The following ROBO1 variants were observed in gnomAD, a reference collection of about 807,000 sequenced individuals.
ROBO1 encodes the protein roundabout homolog 1.
ROBO1 carries 149 observed loss-of-function variants against 195.9 expected under a neutral mutation model. That is an observed-to-expected ratio of 0.76 (90% CI 0.67 to 0.87). The LOEUF is 0.87. ROBO1 is among the 40% of genes least tolerant of loss of function. ROBO1 has a pLI of 0.00. For synonymous variants in ROBO1, 816 were observed against 733.2 expected (o/e 1.11, Z -1.82); for missense variants, 1,933 against 2,068.3 (o/e 0.93, Z 1.27).
rs147406745 is a variant in ROBO1, at chr3:79,715,703, T to A, written c.-51+52049A>T. Among the ~76,000 whole-genome samples, 710 of 152,228 alleles carry A rather than the reference T, an allele frequency of 4.7e-3. 10 individuals carry two copies. The highest frequency in any genetic ancestry group is 0.015 in the African/African-American group (618 of 41,550). The stretch of plus-strand genomic sequence containing the variant: ...GCAGTGTTGAAATTTATTTTAATTA[T>A]ATAATTTATGCTATGTGCCGTGTAT... On this transcript the variant is annotated intron_variant, in intron 1 of 30. Coordinates refer to ENST00000464233, the MANE Select transcript of ROBO1 (RefSeq NM_002941.4).
chr3:78,715,697 C>T (rs900060075), intron 7 of ROBO1, among the ~76,000 whole-genome samples: 24 of 152,140 alleles, frequency 1.6e-4, no homozygotes, highest in African/African-American at 4.8e-4. Flanking sequence ...CCACCATGCC[C>T]GGCTAATTTT....
chr3:79,637,926 T>TA (rs1380013333), intron 1 of ROBO1, among the ~76,000 whole-genome samples: 4 of 152,186 alleles, frequency 2.6e-5, no homozygotes, highest in Non-Finnish European at 5.9e-5. Flanking sequence ...TTTAATTTTT[T>TA]TATATGGATG....
At chr3:78,709,075 C>G (rs1339398996) in intron 8 of ROBO1, among the ~76,000 whole-genome samples, 4 of 152,048 alleles carry the variant, frequency 2.6e-5, no homozygotes, top group African/African-American at 9.7e-5. Context: ...CAGACAAACA[C>G]TAAGTATAAA....
chr3:79,599,616 G>A (rs372840664), intron 1 of ROBO1, among the ~76,000 whole-genome samples: 4 of 151,766 alleles, frequency 2.6e-5, no homozygotes, highest in South Asian at 2.1e-4. Context: ...GGTAGGGGGC[G>A]GGAGAAAAAA....
At chr3:78,671,165 A>G (rs962324301) in intron 10 of ROBO1, among the ~76,000 whole-genome samples, 7 of 152,164 alleles carry the variant, frequency 4.6e-5, no homozygotes, top group Admixed American at 3.3e-4. Context: ...AAAATCTAAA[A>G]TCTAAAAACT....
chr3:79,590,741 T>A (rs1943972396), intron 1 of ROBO1, among the ~76,000 whole-genome samples: 1 of 151,740 alleles, frequency 6.6e-6, no homozygotes, highest in Admixed American at 6.6e-5. Context: ...TATAACCAAA[T>A]TTTCAAAGTA....
chr3:78,699,341 G>A lies in ROBO1; in HGVS notation c.1046-10569C>T, dbSNP rs182665387. Among the ~76,000 whole-genome samples, 324 of 147,230 alleles carry A rather than the reference G, an allele frequency of 2.2e-3. 1 individual carries two copies. The highest frequency in any genetic ancestry group is 0.021 in the South Asian group (100 of 4,706). Reference sequence around the variant, plus strand: ...AGGCAGGTGGATCACTTTGAGGTTAGGAGTTCAAAACCAGCCTGGTCAACA... The same window carrying A: ...AGGCAGGTGGATCACTTTGAGGTTAAGAGTTCAAAACCAGCCTGGTCAACA... On this transcript the variant is annotated intron_variant, in intron 8 of 30. Coordinates refer to ENST00000464233, the MANE Select transcript of ROBO1 (RefSeq NM_002941.4).
intron 2 of ROBO1, among the ~76,000 whole-genome samples, chr3:79,312,876 A>C (rs2033551706): frequency 6.6e-6 from 1 of 152,230 alleles, no homozygotes; most frequent in African/African-American, 2.4e-5. Flanking sequence ...ATTAAATATT[A>C]AAATAAATGT....
chr3:78,945,579 C>T (rs1354438487), intron 3 of ROBO1, among the ~76,000 whole-genome samples: 1 of 152,038 alleles, frequency 6.6e-6, no homozygotes, highest in East Asian at 1.9e-4. Context: ...AAAAACAGGG[C>T]AGAAAAACTG....
chr3:79,103,634 T>C (rs1355492819), intron 3 of ROBO1, among the ~76,000 whole-genome samples: 1 of 151,794 alleles, frequency 6.6e-6, no homozygotes, highest in Non-Finnish European at 1.5e-5. Flanking sequence ...TTTCTCCTAA[T>C]AGTGTGAAAT....
At chr3:79,030,924 G>A (rs534797962) in intron 3 of ROBO1, among the ~76,000 whole-genome samples, 9 of 152,218 alleles carry the variant, frequency 5.9e-5, no homozygotes, top group African/African-American at 2.2e-4. Context: ...GTTTCTCCAT[G>A]TTGGCCAGGC....
intron 5 of ROBO1, among the ~76,000 whole-genome samples, chr3:78,735,373 C>T (rs1409112613): frequency 6.6e-6 from 1 of 152,198 alleles, no homozygotes; most frequent in Non-Finnish European, 1.5e-5. Flanking sequence ...ATTGACCAGA[C>T]TTGACCAAGG....
intron 1 of ROBO1, among the ~76,000 whole-genome samples, chr3:79,727,139 T>C (rs1702958053): frequency 6.6e-6 from 1 of 152,190 alleles, no homozygotes; most frequent in Non-Finnish European, 1.5e-5. Flanking sequence ...AAGAACTCAG[T>C]GTCCAAGGCC....
chr3:78,868,025 T>C (rs561201548), intron 4 of ROBO1, among the ~76,000 whole-genome samples: 5 of 152,250 alleles, frequency 3.3e-5, no homozygotes, highest in African/African-American at 1.2e-4. Context: ...TTGTAGCATA[T>C]CAAAAATGAA....
Position 78,990,327 on chromosome 3 carries a change from G to A in ROBO1, c.173-51400C>T, listed in dbSNP as rs142833236. 1.2e-4 allele frequency among the ~76,000 whole-genome samples: 18 copies of A among 152,246 alleles called. No individual in the cohort carries two copies. In the East Asian group the frequency reaches 3.5e-3, roughly 29 times the overall value. ...ACAAATTTCCTCCAGCATTTAAACA[G>A]GAGAGCTGTGGAGTGTCCCTGCCAA... On this transcript the variant is annotated intron_variant, in intron 3 of 30. Coordinates refer to ENST00000464233, the MANE Select transcript of ROBO1 (RefSeq NM_002941.4).
At chr3:78,973,801 T>C (rs1417841018) in intron 3 of ROBO1, among the ~76,000 whole-genome samples, 2 of 151,898 alleles carry the variant, frequency 1.3e-5, no homozygotes, top group Admixed American at 6.6e-5. Context: ...ATTTATCATA[T>C]ATCGGTTCTC....
intron 1 of ROBO1, among the ~76,000 whole-genome samples, chr3:79,625,135 A>C (rs1247602359): frequency 6.6e-6 from 1 of 152,012 alleles, no homozygotes; most frequent in African/African-American, 2.4e-5. Context: ...GAAATCAAGA[A>C]GTTCTTTGAA....
chr3:79,612,378 C>T (rs1264200300), intron 1 of ROBO1, among the ~76,000 whole-genome samples: 3 of 147,548 alleles, frequency 2.0e-5, no homozygotes, highest in Non-Finnish European at 4.5e-5. Context: ...TTTATGGCTG[C>T]ATAGTATTCC....
intron 2 of ROBO1, among the ~76,000 whole-genome samples, chr3:79,547,837 G>GGACT (rs1212090744): frequency 6.6e-6 from 1 of 151,968 alleles, no homozygotes; most frequent in East Asian, 1.9e-4. Flanking sequence ...GGATGTCCTG[G>GGACT]GACTACACAG....
Sources: gnomAD v4.1 joint callset for allele counts (sites outside exome capture counted in the v4.1 genomes callset) on GRCh38, gnomAD v4.1.1 for gene constraint, MANE v1.5 for transcripts, NCBI Gene and HGNC (gene_info 2026-07-23, HGNC 2026-07-21) for gene names.